TENM3: variants seen among roughly 807,000 people sequenced by gnomAD.
The protein encoded by TENM3 is teneurin transmembrane protein 3.
In TENM3, 63 loss-of-function variants were observed where a neutral mutation model predicts 255.1. The observed-to-expected ratio is 0.25, with a 90% CI of 0.20 to 0.30. The LOEUF (loss-of-function observed/expected upper bound fraction) is 0.30, where lower values mean the gene tolerates loss of function less well. Ranked by LOEUF, TENM3 falls within the 10% of genes least tolerant of loss-of-function variation. The probability of loss-of-function intolerance (pLI) is 1.00; values close to 1 mark genes in which losing one functional copy is unlikely to be tolerated. For synonymous variants in TENM3, 1,306 were observed against 1,322.3 expected (o/e 0.99, Z 0.27); for missense variants, 2,929 against 3,461.1 (o/e 0.85, Z 3.86).
chr4:182,777,509 TTATGTGTGTGTG>T (rs1764769863), intron 24 of TENM3, among the ~76,000 whole-genome samples: 1 of 120,112 alleles, frequency 8.3e-6, no homozygotes, highest in African/African-American at 3.2e-5. Flanking sequence ...CATAATGTGT[TTATGTGTGTGTG>T]TGTGTGTGTG....
the TENM3 span, among the ~76,000 whole-genome samples, chr4:181,945,245 C>T: frequency 6.6e-6 from 1 of 151,876 alleles, no homozygotes; most frequent in African/African-American, 2.4e-5. Flanking sequence ...CTTAGCTAAC[C>T]CCAAGAGGCA....
chr4:181,596,817 A>C, the TENM3 span, among the ~76,000 whole-genome samples: 1 of 152,286 alleles, frequency 6.6e-6, no homozygotes, highest in South Asian at 2.1e-4. Context: ...TATCCTTAGC[A>C]AACTCACCCA....
chr4:182,430,086 T>G (rs1300431267), intron 3 of TENM3, among the ~76,000 whole-genome samples: 1 of 152,250 alleles, frequency 6.6e-6, no homozygotes, highest in East Asian at 1.9e-4. Context: ...CTGAGTGACA[T>G]GACGCAGCTG....
At chr4:181,460,038 T>C in the TENM3 span, among the ~76,000 whole-genome samples, 1 of 151,958 alleles carries the variant, frequency 6.6e-6, no homozygotes, top group Non-Finnish European at 1.5e-5. Context: ...GTATGTATTT[T>C]AGTCAGTTTA....
chr4:182,560,453 A>G (rs1376180440), intron 3 of TENM3, among the ~76,000 whole-genome samples: 1 of 152,156 alleles, frequency 6.6e-6, no homozygotes, highest in East Asian at 1.9e-4. Flanking sequence ...CTTCTCCTAC[A>G]AACAGTGATT....
At chr4:181,604,880 T>A in the TENM3 span, among the ~76,000 whole-genome samples, 7 of 152,198 alleles carry the variant, frequency 4.6e-5, no homozygotes, top group African/African-American at 1.4e-4. Context: ...TCATTTAACC[T>A]TGCTGCACCT....
At chr4:182,260,825 C>T (rs1356949660) in intron 1 of TENM3, among the ~76,000 whole-genome samples, 1 of 152,046 alleles carries the variant, frequency 6.6e-6, no homozygotes, top group African/African-American at 2.4e-5. Flanking sequence ...ACAGTTATCC[C>T]AATGCCAGGA....
intron 26 of TENM3, among the ~76,000 whole-genome samples, chr4:182,794,886 A>G (rs2152833472): frequency 6.6e-6 from 1 of 152,208 alleles, no homozygotes. Flanking sequence ...CCTGATATAC[A>G]GCACCATCAT....
At chr4:182,174,502 TCACACA>T (rs71605053) in intron 1 of TENM3, among the ~76,000 whole-genome samples, 205 of 137,682 alleles carry the variant, frequency 1.5e-3, no homozygotes, top group Non-Finnish European at 2.1e-3. Flanking sequence ...AGCTACTAAT[TCACACA>T]CACACACACA....
the TENM3 span, among the ~76,000 whole-genome samples, chr4:181,830,714 A>G: frequency 6.6e-6 from 1 of 152,224 alleles, no homozygotes; most frequent in Non-Finnish European, 1.5e-5. Context: ...CCTGCCACAC[A>G]GTAACACCTA....
At chr4:182,089,943 T>C in the TENM3 span, among the ~76,000 whole-genome samples, 1 of 152,236 alleles carries the variant, frequency 6.6e-6, no homozygotes, top group Non-Finnish European at 1.5e-5. Flanking sequence ...TAATACTTTA[T>C]ATATGCTATC....
At chr4:182,501,624 T>C (rs542800010) in intron 3 of TENM3, among the ~76,000 whole-genome samples, 3 of 152,298 alleles carry the variant, frequency 2.0e-5, no homozygotes, top group African/African-American at 4.8e-5. Context: ...CAATTTTAGC[T>C]GTTCATTTGA....
At chr4:181,762,746 T>C in the TENM3 span, among the ~76,000 whole-genome samples, 3 of 152,176 alleles carry the variant, frequency 2.0e-5, no homozygotes, top group Admixed American at 2.0e-4. Context: ...CCAGTGACTT[T>C]TACAACCTGA....
chr4:182,550,057 C>G (rs926914509), intron 3 of TENM3, among the ~76,000 whole-genome samples: 1 of 152,084 alleles, frequency 6.6e-6, no homozygotes, highest in African/African-American at 2.4e-5. Flanking sequence ...ATAAAAATTC[C>G]GCTCAAAACC....
At chr4:182,339,975 T>C (rs1369011585) in intron 2 of TENM3, among the ~76,000 whole-genome samples, 1 of 152,194 alleles carries the variant, frequency 6.6e-6, no homozygotes, top group Non-Finnish European at 1.5e-5. Context: ...TTTTTTATGG[T>C]TGCCCCATTA....
chr4:181,905,147 G>T, the TENM3 span, among the ~76,000 whole-genome samples: 4 of 152,128 alleles, frequency 2.6e-5, no homozygotes, highest in East Asian at 7.7e-4. Flanking sequence ...AATACAGATA[G>T]TACATGCTCC....
the TENM3 span, among the ~76,000 whole-genome samples, chr4:181,746,566 A>T: frequency 2.6e-5 from 4 of 151,636 alleles, no homozygotes; most frequent in Middle Eastern, 3.4e-3. Context: ...AAATTGAAAA[A>T]TTTTTTTTCT....
the TENM3 span, among the ~76,000 whole-genome samples, chr4:181,672,408 A>T: frequency 6.6e-6 from 1 of 152,204 alleles, no homozygotes; most frequent in Non-Finnish European, 1.5e-5. Flanking sequence ...ACCCACTGTC[A>T]GTCAAGTGCC....
the TENM3 span, among the ~76,000 whole-genome samples, chr4:181,932,948 A>G: frequency 6.6e-6 from 1 of 152,128 alleles, no homozygotes; most frequent in Non-Finnish European, 1.5e-5. Flanking sequence ...TTCACTCATA[A>G]GTGGGAGCTG....
Sources: gnomAD v4.1 joint callset for allele counts (sites outside exome capture counted in the v4.1 genomes callset) on GRCh38, gnomAD v4.1.1 for gene constraint, MANE v1.5 for transcripts, NCBI Gene and HGNC (gene_info 2026-07-23, HGNC 2026-07-21) for gene names.